Variants in NSG2 observed in about 807,000 individuals in gnomAD.
NSG2 encodes neuronal vesicle trafficking associated 2.
NSG2 carries 4 observed loss-of-function variants against 16.9 expected under a neutral mutation model. The observed-to-expected ratio is 0.24, with a 90% CI of 0.12 to 0.54. The LOEUF (loss-of-function observed/expected upper bound fraction) is 0.54. Among genes scored for constraint, NSG2 ranks in the 20% least tolerant of loss-of-function variants. The pLI, the probability that NSG2 is intolerant of heterozygous loss-of-function variation, is 0.95. For synonymous variants in NSG2, 98 were observed against 88.7 expected, an observed-to-expected ratio of 1.11 and a Z score of -0.59; for missense variants, 179 against 221.1, an observed-to-expected ratio of 0.81 and a Z score of 1.21.
intron 3 of NSG2, among the ~76,000 whole-genome samples, chr5:174,088,498 T>C (rs1760668843): frequency 6.6e-6 from 1 of 152,210 alleles, no homozygotes; most frequent in Admixed American, 6.5e-5. Flanking sequence ...CTCAGATATG[T>C]GCATGAGTCT....
At chr5:174,104,375 AT>A (rs766542343) in intron 4 of NSG2, 37 bp downstream of exon 4, 1 of 1,420,254 alleles carries the variant, frequency 7.0e-7, no homozygotes, top group South Asian at 1.1e-5. Flanking sequence ...TCACTATCAA[AT>A]TCAGTTAGAG....
intron 2 of NSG2, among the ~76,000 whole-genome samples, chr5:174,058,918 G>C (rs1427191926): frequency 2.0e-5 from 3 of 152,194 alleles, no homozygotes; most frequent in African/African-American, 7.2e-5. Flanking sequence ...TCAGGCACCT[G>C]CCTGTCTCTT....
chr5:174,098,933 A>G (rs894218644), intron 3 of NSG2, among the ~76,000 whole-genome samples: 2 of 152,200 alleles, frequency 1.3e-5, no homozygotes, highest in African/African-American at 4.8e-5. Context: ...AAGAAGTGAA[A>G]CCAAGGGCTT....
Position 174,046,719 on chromosome 5 carries a change from C to T in NSG2, c.-22-15C>T, listed in dbSNP as rs1759805363. On this transcript the variant is annotated splice_polypyrimidine_tract_variant and intron_variant, in intron 1 of 4. Transcript: ENST00000303177. ...TCACCTCCTGCTGTAACCAGAATCC[C>T]ACTGCTTGCCTTAGGTCTGGGAAGA... The T allele has an allele frequency of 6.2e-7, 1 of 1,612,990 alleles. No individual in the cohort carries two copies. Among genetic ancestry groups the T allele is most frequent in the Non-Finnish European group, 8.5e-7 (1 of 1,179,606 alleles).
At position 174,086,157 on chromosome 5, in the gene NSG2, A is replaced by C. The variant is rs79475672; in HGVS notation, c.214-18071A>C. ...CCAGCTGGAAGCCAGCTCCTGGCTC[A>C]GCCCCAGACAAGTCACACTCCTGGC... On this transcript the variant is annotated intron_variant, in intron 3 of 4. Transcript: ENST00000303177. Among the ~76,000 whole-genome samples, 1,332 of 152,278 alleles carry C rather than the reference A, an allele frequency of 8.7e-3. 21 individuals carry two copies. The highest frequency in any genetic ancestry group is 0.03 in the African/African-American group (1,264 of 41,564).
chr5:174,061,848 C>G (rs1315028484), intron 2 of NSG2, among the ~76,000 whole-genome samples: 1 of 151,846 alleles, frequency 6.6e-6, no homozygotes, highest in Non-Finnish European at 1.5e-5. Context: ...CATGATCCAC[C>G]CGCCTCAGCC....
chr5:174,098,632 A>C (rs1341667802), intron 3 of NSG2, among the ~76,000 whole-genome samples: 2 of 152,106 alleles, frequency 1.3e-5, no homozygotes, highest in African/African-American at 4.8e-5. Context: ...TGTTCAGACC[A>C]CATTCAGTGC....
intron 3 of NSG2, among the ~76,000 whole-genome samples, chr5:174,092,458 G>C (rs1010860256): frequency 6.6e-6 from 1 of 152,240 alleles, no homozygotes; most frequent in African/African-American, 2.4e-5. Context: ...CAAACACAGA[G>C]GGTATGGCCC....
intron 3 of NSG2, chr5:174,081,450 G>A (rs1467190203): frequency 6.6e-6 from 1 of 152,060 alleles, no homozygotes; most frequent in South Asian, 2.1e-4. Context: ...TATATTTTCA[G>A]ATATTAAGCC....
intron 3 of NSG2, among the ~76,000 whole-genome samples, chr5:174,103,756 G>A (rs1205137102): frequency 6.6e-6 from 1 of 152,124 alleles, no homozygotes; most frequent in African/African-American, 2.4e-5. Context: ...AGACCAGCCT[G>A]GCCAACATGG....
chr5:174,077,461 C>T (rs1760365429), intron 3 of NSG2, among the ~76,000 whole-genome samples: 1 of 152,180 alleles, frequency 6.6e-6, no homozygotes, highest in African/African-American at 2.4e-5. Context: ...TCTTCAGTCT[C>T]CTCCGAACAA....
Position 174,065,924 on chromosome 5 carries a change from A to G in NSG2, c.213+1609A>G, listed in dbSNP as rs567662847. On this transcript the variant is annotated intron_variant, in intron 3 of 4. Transcript: ENST00000303177. Reference sequence around the variant, plus strand: ...GCACTTGGATCTGTATAAGTGCGCAATAGTAGCCTTTTTATGTCAACTGTG... The same window carrying G: ...GCACTTGGATCTGTATAAGTGCGCAGTAGTAGCCTTTTTATGTCAACTGTG... 3.3e-5 allele frequency among the ~76,000 whole-genome samples: 5 copies of G among 152,364 alleles called. No individual in the cohort carries two copies. In the South Asian group the frequency reaches 1.0e-3, roughly 32 times the overall value.
At chr5:174,051,284 G>T (rs1435227358) in intron 2 of NSG2, among the ~76,000 whole-genome samples, 2 of 152,088 alleles carry the variant, frequency 1.3e-5, no homozygotes. Context: ...TGCCCCAAAT[G>T]TCAACAGCGC....
At chr5:174,087,422 T>C (rs187938980) in intron 3 of NSG2, among the ~76,000 whole-genome samples, 1 of 152,190 alleles carries the variant, frequency 6.6e-6, no homozygotes, top group African/African-American at 2.4e-5. Flanking sequence ...TGTTTCATTT[T>C]CTTCATGTAT....
At chr5:174,102,021 G>T (rs1361618427) in intron 3 of NSG2, among the ~76,000 whole-genome samples, 1 of 152,196 alleles carries the variant, frequency 6.6e-6, no homozygotes, top group Non-Finnish European at 1.5e-5. Context: ...AGGGCAGGAG[G>T]CTGATAAGCA....
chr5:174,080,821 C>T (rs1760447999), intron 3 of NSG2, among the ~76,000 whole-genome samples: 1 of 152,066 alleles, frequency 6.6e-6, no homozygotes, highest in Admixed American at 6.5e-5. Flanking sequence ...CCTTGGTCTC[C>T]CAAAGTGCTA....
chr5:174,084,978 G>A (rs919938263), intron 3 of NSG2, among the ~76,000 whole-genome samples: 1 of 152,128 alleles, frequency 6.6e-6, no homozygotes, highest in African/African-American at 2.4e-5. Context: ...CTTTTTTGGA[G>A]CCAGGAAGAG....
At chr5:174,067,373 G>A (rs115339979) in intron 3 of NSG2, among the ~76,000 whole-genome samples, 12 of 152,324 alleles carry the variant, frequency 7.9e-5, no homozygotes, top group African/African-American at 2.9e-4. Context: ...CCTGCAGTAG[G>A]TAACTGCTGG....
chr5:174,050,065 G>A (rs532963259), intron 2 of NSG2, among the ~76,000 whole-genome samples: 29 of 152,232 alleles, frequency 1.9e-4, no homozygotes, highest in African/African-American at 6.5e-4. Context: ...TGTATAGAAT[G>A]GGGACGCTAA....
Sources: allele counts gnomAD v4.1 joint callset (sites outside exome capture counted in the v4.1 genomes callset), GRCh38; gene constraint gnomAD v4.1.1; transcripts MANE v1.5; gene names NCBI Gene and HGNC (gene_info 2026-07-23, HGNC 2026-07-21).